The following CDYL2 variants were observed in gnomAD, a reference collection of about 807,000 sequenced individuals.
The protein encoded by CDYL2 is chromodomain Y like 2.
Under a neutral mutation model 49.4 loss-of-function variants are expected in CDYL2, and 23 were observed. The ratio of observed to expected loss-of-function variants is 0.47; its 90% CI spans 0.34 to 0.66. The LOEUF (loss-of-function observed/expected upper bound fraction) is 0.66. Among genes scored for constraint, CDYL2 ranks in the 30% least tolerant of loss-of-function variants. The pLI, the probability that CDYL2 is intolerant of heterozygous loss-of-function variation, is 0.01. For missense variants in CDYL2, 678 were observed against 656.4 expected (o/e 1.03, Z -0.36); for synonymous variants, 360 against 268.8 (o/e 1.34, Z -3.32).
At chr16:80,671,398 G>A (rs1407868198) in intron 2 of CDYL2, among the ~76,000 whole-genome samples, 2 of 152,188 alleles carry the variant, frequency 1.3e-5, no homozygotes, top group Admixed American at 1.3e-4. Context: ...GCTGCCACAA[G>A]TACAACAGGG....
At position 80,602,150 on chromosome 16, in the gene CDYL2, C is replaced by A. The variant is rs1303464614; in HGVS notation, c.*2238G>T. On this transcript the variant is annotated 3_prime_UTR_variant, in exon 7 of 7. Transcript: ENST00000570137. ...CACAATATGTAAGAACCAGGGTCAT[C>A]TAAGGGTTTTGGAAAGCTCACATTT... The A allele has an allele frequency of 6.6e-6, 1 of 152,186 alleles. No individual in the cohort carries two copies. Among genetic ancestry groups the A allele is most frequent in the Non-Finnish European group, 1.5e-5 (1 of 68,024 alleles). The allele number at this position is 152,186 out of a possible 1,614,324, so 9.4% of individuals were successfully genotyped here.
intron 1 of CDYL2, among the ~76,000 whole-genome samples, chr16:80,689,418 T>G (rs116548862): frequency 6.6e-6 from 1 of 152,196 alleles, no homozygotes; most frequent in East Asian, 1.9e-4. Flanking sequence ...TATGCCCAGC[T>G]TTCCAGCTGG....
chr16:80,651,117 G>C (rs1010343007), intron 2 of CDYL2, among the ~76,000 whole-genome samples: 1 of 152,150 alleles, frequency 6.6e-6, no homozygotes, highest in Non-Finnish European at 1.5e-5. Context: ...TAACTGGATT[G>C]TTTGTAACAC....
intron 1 of CDYL2, among the ~76,000 whole-genome samples, chr16:80,765,201 C>T (rs548946309): frequency 6.9e-6 from 1 of 144,394 alleles, no homozygotes; most frequent in South Asian, 2.2e-4. Context: ...GGTTATATAC[C>T]AAAAAAGCTA....
chr16:80,682,410 T>A (rs1032491205), intron 2 of CDYL2, among the ~76,000 whole-genome samples: 4 of 152,174 alleles, frequency 2.6e-5, no homozygotes, highest in Non-Finnish European at 5.9e-5. Flanking sequence ...TGGGGTACCA[T>A]GCCTTATCAC....
intron 2 of CDYL2, among the ~76,000 whole-genome samples, chr16:80,664,694 A>C (rs1909187493): frequency 1.3e-5 from 2 of 152,174 alleles, no homozygotes; most frequent in Non-Finnish European, 2.9e-5. Context: ...GTCCCTCAAG[A>C]AGCAGAAAAG....
chr16:80,759,110 A>ATGGTT (rs1308698494), intron 1 of CDYL2, among the ~76,000 whole-genome samples: 2 of 109,518 alleles, frequency 1.8e-5, no homozygotes, highest in East Asian at 5.5e-4. Flanking sequence ...TACTATATAT[A>ATGGTT]TATATATATA....
chr16:80,756,971 C>T (rs1370508227), intron 1 of CDYL2, among the ~76,000 whole-genome samples: 4 of 152,006 alleles, frequency 2.6e-5, no homozygotes. Context: ...TAGTCTCAAA[C>T]TAACAGCCAA....
chr16:80,678,174 G>A (rs1345174954), intron 2 of CDYL2, among the ~76,000 whole-genome samples: 3 of 152,188 alleles, frequency 2.0e-5, no homozygotes, highest in Non-Finnish European at 2.9e-5. Flanking sequence ...GAAAACCTAG[G>A]CATTACTATT....
At chr16:80,614,382 T>C (rs1013376707) in intron 4 of CDYL2, among the ~76,000 whole-genome samples, 3 of 152,186 alleles carry the variant, frequency 2.0e-5, no homozygotes, top group Non-Finnish European at 2.9e-5. Context: ...TCCAAGCCCA[T>C]TCATCTTGAT....
In CDYL2 at chr16:80,634,932, T is replaced by A. The variant is rs376810492; in HGVS notation, c.617-1696A>T. ...AATAATACCAATTCTCCAAAAGCTGTTCCAGAAAACAGGTTCAGAGGAACA... is the reference window on the plus strand; with the variant it reads ...AATAATACCAATTCTCCAAAAGCTGATCCAGAAAACAGGTTCAGAGGAACA... On this transcript the variant is annotated intron_variant, in intron 2 of 6. Coordinates refer to ENST00000570137, the MANE Select transcript of CDYL2 (RefSeq NM_152342.4). Among the ~76,000 whole-genome samples the A allele has an allele frequency of 3.5e-4, 53 of 152,338 alleles. No individual in the cohort carries two copies. The South Asian group carries it at 0.011, about 31-fold the overall frequency.
At position 80,636,514 on chromosome 16, in the gene CDYL2, C is replaced by A. The variant is rs143411900; in HGVS notation, c.617-3278G>T. Among the ~76,000 whole-genome samples, 1,116 of 152,312 alleles carry A rather than the reference C, an allele frequency of 7.3e-3. 18 individuals carry two copies. Among genetic ancestry groups the A allele is most frequent in the African/African-American group, 0.025 (1,059 of 41,570 alleles). On this transcript the variant is annotated intron_variant, in intron 2 of 6. Coordinates refer to ENST00000570137, the MANE Select transcript of CDYL2 (RefSeq NM_152342.4). ...TCAAAATCACAATGAGATGCCATCT[C>A]ACGCCAGTTAGAATGGAGATCATTA... is the stretch of plus-strand genomic sequence containing the variant.
At position 80,684,530 on chromosome 16, in the gene CDYL2, C is replaced by T. The variant is rs1306910098; in HGVS notation, c.616+8G>A. On this transcript the variant is annotated splice_region_variant and intron_variant, in intron 2 of 6. Coordinates refer to ENST00000570137, the MANE Select transcript of CDYL2 (RefSeq NM_152342.4). The stretch of plus-strand genomic sequence containing the variant: ...GAGCCAAACCCAAGAGAAAGAAAAG[C>T]TACAAACCGAGCCCGTTCTCCGCCA... The T allele has an allele frequency of 1.9e-6, 3 of 1,606,336 alleles. No individual in the cohort carries two copies. The Admixed American group carries it at 5.0e-5, about 27-fold the overall frequency.
In CDYL2 at chr16:80,684,637, C is replaced by T; in HGVS notation, c.517G>A (p.Gly173Arg). The T allele has an allele frequency of 6.2e-7, 1 of 1,614,226 alleles. No individual in the cohort carries two copies. Among genetic ancestry groups the T allele is most frequent in the Admixed American group, 1.7e-5 (1 of 60,026 alleles). ...SEKDERHFGN[G>R]SHQPGLDLND... Reference sequence around the variant, plus strand: ...AAATCCAAGCCAGGCTGATGGGACCCATTTCCAAAGTGCCTCTCATCCTTC... The same window carrying T: ...AAATCCAAGCCAGGCTGATGGGACCTATTTCCAAAGTGCCTCTCATCCTTC... Residue 173 changes from glycine to arginine, a missense_variant, in exon 2 of 7, where the codon GGG becomes AGG. By Grantham distance (125) the Gly-to-Arg change is moderately radical (BLOSUM62 -2). Around this residue, in one of 3 missense-constraint regions of CDYL2, gnomAD observed 478 missense variants for 427.0 expected, o/e 1.12. Coordinates refer to ENST00000570137, the MANE Select transcript of CDYL2 (RefSeq NM_152342.4).
Position 80,685,082 on chromosome 16 carries a change from C to G in CDYL2, c.72G>C (p.Glu24Asp). Residue 24 changes from glutamate (E) to aspartate (D), a missense_variant, in exon 2 of 7, where the codon GAG (glutamate) becomes GAC (aspartate). Glu to Asp is a conservative substitution (Grantham distance 45). Coordinates refer to ENST00000570137, the MANE Select transcript of CDYL2 (RefSeq NM_152342.4). The part of the protein sequence containing the change: ...DKRKNKKGKW[E>D]YLIRWKGYGS... ...CGTAGCCTTTCCATCGGATAAGATA[C>G]TCCCATTTTCCTTTCTTGTTCTTCC... is the stretch of plus-strand genomic sequence containing the variant. The G allele has an allele frequency of 6.2e-7, 1 of 1,614,016 alleles. No homozygotes were observed. Among genetic ancestry groups the G allele is most frequent in the South Asian group, 1.1e-5 (1 of 91,052 alleles).
At chr16:80,731,151 G>A (rs946415325) in intron 1 of CDYL2, among the ~76,000 whole-genome samples, 1 of 152,048 alleles carries the variant, frequency 6.6e-6, no homozygotes, top group Non-Finnish European at 1.5e-5. Flanking sequence ...TATCCTTCCA[G>A]AGACAAGAGA....
intron 1 of CDYL2, among the ~76,000 whole-genome samples, chr16:80,759,804 A>G (rs1378025838): frequency 1.3e-5 from 2 of 152,212 alleles, no homozygotes; most frequent in Non-Finnish European, 2.9e-5. Flanking sequence ...ACACACTTGT[A>G]AAAGATTCCC....
chr16:80,711,467 C>A (rs1323572450), intron 1 of CDYL2, among the ~76,000 whole-genome samples: 1 of 152,182 alleles, frequency 6.6e-6, no homozygotes, highest in East Asian at 1.9e-4. Context: ...TTTATTAACA[C>A]TTGAAGTTAA....
chr16:80,606,184 G>A (rs1906324679), intron 6 of CDYL2, among the ~76,000 whole-genome samples: 1 of 152,234 alleles, frequency 6.6e-6, no homozygotes, highest in African/African-American at 2.4e-5. Context: ...GGGATGAGCT[G>A]CCAGACCCAG....
Sources: allele counts gnomAD v4.1 joint callset (sites outside exome capture counted in the v4.1 genomes callset), GRCh38; gene constraint gnomAD v4.1.1; regional missense constraint gnomAD v4.1.1; transcripts MANE v1.5; gene names NCBI Gene and HGNC (gene_info 2026-07-23, HGNC 2026-07-21).